Variants in CNBD2 observed in about 807,000 individuals in gnomAD.
The protein encoded by CNBD2 is cyclic nucleotide binding domain containing 2.
In CNBD2, 64 loss-of-function variants were observed where a neutral mutation model predicts 63.7. The observed-to-expected ratio is 1.00, with a 90% CI of 0.82 to 1.24. The LOEUF is 1.24. CNBD2 is among the 50% of genes most tolerant of loss of function. The probability of loss-of-function intolerance (pLI) is 0.00; values close to 1 mark genes in which losing one functional copy is unlikely to be tolerated. For missense variants in CNBD2, 691 were observed against 713.5 expected, an observed-to-expected ratio of 0.97 and a Z score of 0.36; for synonymous variants, 229 against 255.4, an observed-to-expected ratio of 0.90 and a Z score of 0.99.
rs553581625 is a variant in CNBD2 at position 36,007,189 on chromosome 20, A to AAAATAAAT, written c.971-1085_971-1078dup. ...GGGCGACAGAGTGAGAATCCTCTCA[A>AAAATAAAT]AAATAAATAAATAAATAAATAAATA... is the stretch of plus-strand genomic sequence containing the variant. On this transcript the variant is annotated intron_variant, in intron 8 of 11. Transcript: ENST00000373973. Among the ~76,000 whole-genome samples the AAAATAAAT allele has an allele frequency of 4.8e-3, 734 of 151,712 alleles. 5 individuals are homozygous for AAAATAAAT. The highest frequency in any genetic ancestry group is 0.017 in the African/African-American group (694 of 41,094).
exon 1 of CNBD2, chr20:35,955,262 A>T (rs1278756726): frequency 2.0e-5 from 3 of 152,804 alleles, no homozygotes; most frequent in Non-Finnish European, 4.4e-5. Flanking sequence ...GGGACTTAGT[A>T]CGAAAAAACT....
At chr20:35,975,491 G>T in intron 2 of CNBD2, among the ~76,000 whole-genome samples, 1 of 139,386 alleles carries the variant, frequency 7.2e-6, no homozygotes, top group African/African-American at 2.7e-5. Context: ...TAGTAGAGAC[G>T]GGGTTTCACC....
At position 35,980,528 on chromosome 20, in the gene CNBD2, C is replaced by T. The variant is rs866673102; in HGVS notation, c.313C>T (p.Gln105Ter). Residue 105 changes from glutamine to a stop codon, truncating the protein, a stop_gained, in exon 4 of 12, where the codon CAG (glutamine) becomes TAG (stop). Transcript: ENST00000373973. LOFTEE classifies it high-confidence loss of function. ...TTCCTGGAGAACAGAGGATGAGATC[C>T]AGGCCGTCTGTAACATCTTGCAGGT... is the stretch of plus-strand genomic sequence containing the variant. ...KPSWRTEDEI[Q>*]AVCNILQVLD... 2.5e-6 allele frequency: 4 copies of T among 1,614,104 alleles called. No homozygotes were observed. Among genetic ancestry groups the T allele is most frequent in the African/African-American group, 2.7e-5 (2 of 74,936 alleles).
At chr20:35,982,446 C>T (rs1016113815) in intron 4 of CNBD2, among the ~76,000 whole-genome samples, 3 of 152,130 alleles carry the variant, frequency 2.0e-5, no homozygotes, top group East Asian at 1.9e-4. Flanking sequence ...ATGAAGTACA[C>T]GTTATCCCTT....
intron 3 of CNBD2, among the ~76,000 whole-genome samples, chr20:35,976,678 T>C (rs1405417653): frequency 6.6e-6 from 1 of 152,190 alleles, no homozygotes; most frequent in Non-Finnish European, 1.5e-5. Context: ...AATTTCAATC[T>C]CATCATTGTT....
At chr20:35,980,669 A>G in intron 4 of CNBD2, 47 bp downstream of exon 4, 4 of 1,581,886 alleles carry the variant, frequency 2.5e-6, no homozygotes, top group Non-Finnish European at 3.5e-6. Flanking sequence ...GGCTGGACTG[A>G]GCAAAAGAGC....
At chr20:35,990,298 T>C (rs1390138130) in intron 7 of CNBD2, among the ~76,000 whole-genome samples, 2 of 152,222 alleles carry the variant, frequency 1.3e-5, no homozygotes, top group Admixed American at 6.5e-5. Flanking sequence ...CTATAGCTGC[T>C]ACACTGCAAA....
rs1044690020 is a variant in CNBD2, at chr20:36,008,464, C to T, written c.1138C>T (p.Pro380Ser). The T allele has an allele frequency of 7.5e-6, 12 of 1,610,212 alleles. No individual in the cohort carries two copies. In the African/African-American group the frequency reaches 1.3e-4, roughly 18 times the overall value. The change falls in exon 9 of 12, where the codon CCG (proline) becomes TCG (serine). Residue 380 changes from proline to serine, a missense_variant. Physicochemically the swap from Pro to Ser is moderately conservative, Grantham distance 74. Coordinates refer to ENST00000373973, the MANE Select transcript of CNBD2 (RefSeq NM_001365709.1). ...SGDTLPKMLG[P>S]KIQSRPAQSI... is the part of the protein sequence containing the mutation. The stretch of plus-strand genomic sequence containing the variant: ...AGACACTCTCCCCAAGATGCTGGGC[C>T]CGAAGATCCAGTAAGCTCAGCCCTG...
chr20:36,022,584 C>T (rs761109237), intron 10 of CNBD2, among the ~76,000 whole-genome samples: 1 of 151,996 alleles, frequency 6.6e-6, no homozygotes, highest in African/African-American at 2.4e-5. Flanking sequence ...ATCAGCCTGC[C>T]TCAGCCTCCC....
In CNBD2 at chr20:35,995,155, A is replaced by T; in HGVS notation, c.970+3A>T. On this transcript the variant is annotated splice_donor_region_variant and intron_variant, in intron 8 of 11. Coordinates refer to ENST00000373973, the MANE Select transcript of CNBD2 (RefSeq NM_001365709.1). ...ACCTCTGAAGACCCACCTGAGTGGT[A>T]AGCTGCCTTGGCCTGTCTGACAGCA... 6.2e-7 allele frequency: 1 copy of T among 1,608,262 alleles called. No individual in the cohort carries two copies. Among genetic ancestry groups the T allele is most frequent in the Middle Eastern group, 1.7e-4 (1 of 6,050 alleles).
In CNBD2 at chr20:35,972,726, A is replaced by T; in HGVS notation, c.149A>T (p.Glu50Val). 6.2e-7 allele frequency: 1 copy of T among 1,614,114 alleles called. No homozygotes were observed. Among genetic ancestry groups the T allele is most frequent in the Non-Finnish European group, 8.5e-7 (1 of 1,179,994 alleles). The change falls in exon 2 of 12, where the codon GAG becomes GTG. Residue 50 changes from glutamate (E) to valine (V), a missense_variant. Coordinates refer to ENST00000373973, the MANE Select transcript of CNBD2 (RefSeq NM_001365709.1). Reference protein sequence around the residue: ...LRGFREYQIIETAHWKHPIFS... With the variant: ...LRGFREYQIIVTAHWKHPIFS... ...GGATTCCGGGAATATCAAATCATTG[A>T]GACTGCTCACTGGAAGCACCCTATC...
At chr20:35,975,016 T>G (rs1291721686) in intron 2 of CNBD2, 2 of 150,392 alleles carry the variant, frequency 1.3e-5, no homozygotes, top group African/African-American at 4.9e-5. Flanking sequence ...TATTTTTTTT[T>G]TTTGAGACGG....
chr20:35,993,960 C>T (rs892325959), intron 7 of CNBD2, among the ~76,000 whole-genome samples: 86 of 150,106 alleles, frequency 5.7e-4, no homozygotes, highest in Non-Finnish European at 1.2e-3. Flanking sequence ...TGGCAACCTC[C>T]GCCTCCTGGG....
intron 9 of CNBD2, 94 bp from the exon 10 acceptor site, chr20:36,011,043 C>T (rs760258343): frequency 8.1e-5 from 103 of 1,269,254 alleles, no homozygotes; most frequent in Middle Eastern, 6.1e-4. Flanking sequence ...GGGAGGGGAG[C>T]CCTCCATGTG....
chr20:35,986,605 T>C (rs2056671038), intron 6 of CNBD2, among the ~76,000 whole-genome samples: 1 of 152,234 alleles, frequency 6.6e-6, no homozygotes, highest in South Asian at 2.1e-4. Context: ...GTCCCTGACA[T>C]GGCACTGAGC....
At chr20:36,023,486 C>G in intron 10 of CNBD2, 116 bp from the exon 11 acceptor site, 1 of 945,578 alleles carries the variant, frequency 1.1e-6, no homozygotes, top group Non-Finnish European at 1.5e-6. Context: ...GCACTCCAGC[C>G]TGGGCAACAA....
intron 8 of CNBD2, among the ~76,000 whole-genome samples, chr20:36,007,146 A>ACC (rs1057434659): frequency 9.2e-5 from 14 of 152,056 alleles, no homozygotes; most frequent in Admixed American, 9.2e-4. Flanking sequence ...CAGAGATCGC[A>ACC]CCACTGCACT....
At chr20:36,015,358 T>G (rs2057119603) in intron 10 of CNBD2, among the ~76,000 whole-genome samples, 1 of 152,198 alleles carries the variant, frequency 6.6e-6, no homozygotes, top group South Asian at 2.1e-4. Flanking sequence ...ATGCAGGAGC[T>G]TTTTAGTTTG....
chr20:36,002,896 A>G (rs2056934114), intron 8 of CNBD2, among the ~76,000 whole-genome samples: 1 of 152,026 alleles, frequency 6.6e-6, no homozygotes, highest in South Asian at 2.1e-4. Context: ...TGGATTGCTT[A>G]CAATCCAATA....
Sources: allele counts gnomAD v4.1 joint callset (sites outside exome capture counted in the v4.1 genomes callset), GRCh38; gene constraint gnomAD v4.1.1; transcripts MANE v1.5; gene names NCBI Gene and HGNC (gene_info 2026-07-23, HGNC 2026-07-21).